HIP1: variants seen among roughly 807,000 people sequenced by gnomAD.
The protein encoded by HIP1 is huntingtin interacting protein 1, also known as huntingtin-interacting protein 1.
HIP1 carries 65 observed loss-of-function variants against 147.6 expected under a neutral mutation model. That is an observed-to-expected ratio of 0.44 (90% CI 0.36 to 0.54). HIP1 has a LOEUF of 0.54. HIP1 is among the 20% of genes least tolerant of loss of function. The pLI is 0.00. For synonymous variants in HIP1, 479 were observed against 504.0 expected (o/e 0.95, Z 0.67); for missense variants, 1,061 against 1,299.6 (o/e 0.82, Z 2.82).
At chr7:75,621,339 C>A (rs1797841487) in intron 1 of HIP1, among the ~76,000 whole-genome samples, 1 of 152,124 alleles carries the variant, frequency 6.6e-6, no homozygotes, top group Non-Finnish European at 1.5e-5. Flanking sequence ...GCAGGAGGGG[C>A]CAAATCCCTA....
rs782332367 is a variant in HIP1, at chr7:75,562,100, CT to C, written c.1090del (p.Ser364ValfsTer5). On this transcript the variant is annotated frameshift_variant, in exon 12 of 31. Coordinates refer to ENST00000336926, the MANE Select transcript of HIP1 (RefSeq NM_005338.7). LOFTEE classifies it high-confidence loss of function. ...CTCATCCTTGTTCACACCATTTTGA[CT>C]GTTGAAATTGAAGGGATCACTGCTG... Reference protein sequence around the residue: ...SFSSDPFNFNSQNGVNKDEKD... With the variant: ...SFSSDPFNFNXQNGVNKDEKD... 1 of 1,612,196 alleles carries C rather than the reference CT, an allele frequency of 6.2e-7. No individual in the cohort carries two copies. The highest frequency in any genetic ancestry group is 8.5e-7 in the Non-Finnish European group (1 of 1,178,394).
chr7:75,595,563 C>T (rs1240040890), intron 2 of HIP1, among the ~76,000 whole-genome samples: 4 of 151,850 alleles, frequency 2.6e-5, no homozygotes, highest in South Asian at 2.1e-4. Context: ...AGGCTGGTCT[C>T]GAACTCCTGG....
intron 1 of HIP1, among the ~76,000 whole-genome samples, chr7:75,602,640 C>T (rs1355125402): frequency 1.3e-5 from 2 of 151,490 alleles, no homozygotes; most frequent in African/African-American, 4.9e-5. Context: ...GTAGCTGGGA[C>T]TACAGGCGCC....
chr7:75,632,054 G>A (rs2117128451), intron 1 of HIP1, among the ~76,000 whole-genome samples: 1 of 152,330 alleles, frequency 6.6e-6, no homozygotes, highest in African/African-American at 2.4e-5. Context: ...TCCGAAGACA[G>A]GTGCTCGTAG....
chr7:75,678,266 G>T (rs1429592628), intron 1 of HIP1, among the ~76,000 whole-genome samples: 3 of 150,994 alleles, frequency 2.0e-5, no homozygotes, highest in Non-Finnish European at 4.4e-5. Context: ...TCTTTCCCTT[G>T]TTGCAAATTA....
chr7:75,534,417 C>T lies in HIP1; in HGVS notation c.*3755G>A, dbSNP rs925271693. ...ACCCTGCCAAGATGGCTCTTCTCTTCTATTTCTTTCTCTCTCTCTCTCTTT... is the reference window on the plus strand; with the variant it reads ...ACCCTGCCAAGATGGCTCTTCTCTTTTATTTCTTTCTCTCTCTCTCTCTTT... On this transcript the variant is annotated 3_prime_UTR_variant, in exon 31 of 31. Transcript: ENST00000336926. The T allele has an allele frequency of 4.7e-5, 9 of 190,868 alleles. No individual in the cohort carries two copies. The highest frequency in any genetic ancestry group is 9.9e-5 in the Non-Finnish European group (9 of 91,362). The allele number at this position is 190,868 out of a possible 1,614,324, so 11.8% of individuals were successfully genotyped here.
chr7:75,556,037 C>A lies in HIP1; in HGVS notation c.1816G>T (p.Ala606Ser), dbSNP rs1356151524. The change falls in exon 18 of 31, where the codon GCC (alanine) becomes TCC (serine). Residue 606 changes from alanine (A) to serine (S), a missense_variant. Ala to Ser is a moderately conservative substitution (Grantham distance 99). This residue lies in a region of HIP1 where 810 missense variants were observed against 946.8 expected (regional missense o/e 0.86). Coordinates refer to ENST00000336926, the MANE Select transcript of HIP1 (RefSeq NM_005338.7). ...TGTCCGTGACTTGCCTCTGTGCTGG[C>A]CAGTTTGAGCTGAGTGTCCTGCAGT... ...KELQDTQLKLASTEESMCQLA... is the reference protein window; with the variant it reads ...KELQDTQLKLSSTEESMCQLA... 2 of 1,613,948 alleles carry A rather than the reference C, an allele frequency of 1.2e-6. No individual in the cohort carries two copies. Among genetic ancestry groups the A allele is most frequent in the African/African-American group, 1.3e-5 (1 of 74,928 alleles).
chr7:75,574,051 C>G, intron 7 of HIP1, 150 bp from the exon 8 acceptor site: 1 of 601,934 alleles, frequency 1.7e-6, no homozygotes, highest in Non-Finnish European at 2.9e-6. Context: ...TCACAACACT[C>G]CCATGAGATA....
At chr7:75,669,786 A>T (rs1361303631) in intron 1 of HIP1, among the ~76,000 whole-genome samples, 1 of 152,166 alleles carries the variant, frequency 6.6e-6, no homozygotes, top group African/African-American at 2.4e-5. Context: ...TTGTAGCATG[A>T]ATCAGCACTT....
chr7:75,674,136 T>C (rs1799813024), intron 1 of HIP1, among the ~76,000 whole-genome samples: 1 of 152,208 alleles, frequency 6.6e-6, no homozygotes, highest in Non-Finnish European at 1.5e-5. Context: ...AAAATAGAGA[T>C]AATTTCACTT....
chr7:75,615,952 G>C (rs1207235843), intron 1 of HIP1, among the ~76,000 whole-genome samples: 1 of 151,154 alleles, frequency 6.6e-6, no homozygotes, highest in Non-Finnish European at 1.5e-5. Context: ...TGGGTGTGAT[G>C]GTGCGCACCT....
At chr7:75,620,647 T>C (rs1432699254) in intron 1 of HIP1, among the ~76,000 whole-genome samples, 1 of 151,766 alleles carries the variant, frequency 6.6e-6, no homozygotes, top group Non-Finnish European at 1.5e-5. Context: ...GATAGCACCA[T>C]TGCACTCCAG....
intron 1 of HIP1, among the ~76,000 whole-genome samples, chr7:75,694,555 G>T: frequency 6.9e-6 from 1 of 144,226 alleles, no homozygotes; most frequent in Admixed American, 7.1e-5. Context: ...CTGTCTCCCA[G>T]GCTGGAGTGC....
rs144353057 is a variant in HIP1, at chr7:75,540,643, C to T, written c.2953-1212G>A. On this transcript the variant is annotated intron_variant, in intron 29 of 30. Coordinates refer to ENST00000336926, the MANE Select transcript of HIP1 (RefSeq NM_005338.7). ...GAAAAAAAAATGCTGAGTGACACAT[C>T]TTGGAGTACTTTAACAATTCCAATT... is the stretch of plus-strand genomic sequence containing the variant. Among the ~76,000 whole-genome samples the T allele has an allele frequency of 2.1e-3, 317 of 152,028 alleles. 1 individual carries two copies. Among genetic ancestry groups the T allele is most frequent in the African/African-American group, 7.2e-3 (299 of 41,468 alleles).
chr7:75,592,860 G>A (rs1273587765), intron 2 of HIP1, among the ~76,000 whole-genome samples: 3 of 152,188 alleles, frequency 2.0e-5, no homozygotes, highest in East Asian at 1.9e-4. Flanking sequence ...TGAGAGAGAG[G>A]TGTGTCTTTT....
intron 1 of HIP1, among the ~76,000 whole-genome samples, chr7:75,723,947 TATAGAGAGAG>T (rs1161575705): frequency 1.0e-4 from 14 of 133,668 alleles, no homozygotes; most frequent in African/African-American, 3.6e-4. Context: ...TTTATATATA[TATAGAGAGAG>T]AGAGAGAGAG....
chr7:75,681,699 G>A (rs1054617823), intron 1 of HIP1, among the ~76,000 whole-genome samples: 2 of 151,696 alleles, frequency 1.3e-5, no homozygotes, highest in Non-Finnish European at 2.9e-5. Flanking sequence ...TAGAGGCAAG[G>A]TCTCACTATG....
At chr7:75,575,121 GCACTCCAGCC>G (rs1795798774) in intron 7 of HIP1, among the ~76,000 whole-genome samples, 2 of 151,738 alleles carry the variant, frequency 1.3e-5, no homozygotes, top group Admixed American at 6.6e-5. Flanking sequence ...TCCCACCACT[GCACTCCAGCC>G]TGGGCGACAG....
At chr7:75,542,631 GGA>G (rs1333825874) in intron 28 of HIP1, among the ~76,000 whole-genome samples, 2 of 152,050 alleles carry the variant, frequency 1.3e-5, no homozygotes, top group Admixed American at 1.3e-4. Flanking sequence ...CCAGGGAGGT[GGA>G]GGTTGCAGTG....
Sources: gnomAD v4.1 joint callset for allele counts (sites outside exome capture counted in the v4.1 genomes callset) on GRCh38, gnomAD v4.1.1 for gene constraint, gnomAD v4.1.1 regional missense constraint, MANE v1.5 for transcripts, NCBI Gene and HGNC (gene_info 2026-07-23, HGNC 2026-07-21) for gene names.